Variants in HS3ST2 observed in about 807,000 individuals in gnomAD.
The protein encoded by HS3ST2 is heparan sulfate glucosamine 3-O-sulfotransferase 2.
A neutral mutation model predicts 26.3 loss-of-function variants in HS3ST2; 17 were observed. The observed-to-expected ratio is 0.65, with a 90% confidence interval of 0.44 to 0.97. The LOEUF is 0.97. HS3ST2 is among the 50% of genes least tolerant of loss of function. HS3ST2 has a pLI of 0.00. For synonymous variants in HS3ST2, 237 were observed against 219.2 expected, an observed-to-expected ratio of 1.08 and a Z score of -0.72; for missense variants, 402 against 501.2, an observed-to-expected ratio of 0.80 and a Z score of 1.89.
chr16:22,831,281 G>T (rs1374658946), intron 1 of HS3ST2, among the ~76,000 whole-genome samples: 1 of 152,210 alleles, frequency 6.6e-6, no homozygotes, highest in Non-Finnish European at 1.5e-5. Flanking sequence ...TGCCCACTAA[G>T]ATTCTCCCTG....
chr16:22,887,417 A>G (rs577285080), intron 1 of HS3ST2, among the ~76,000 whole-genome samples: 2 of 152,162 alleles, frequency 1.3e-5, no homozygotes, highest in African/African-American at 4.8e-5. Flanking sequence ...GAGATGAGGG[A>G]GCTCTCTGAG....
chr16:22,867,907 A>T (rs1955898896), intron 1 of HS3ST2, among the ~76,000 whole-genome samples: 1 of 152,228 alleles, frequency 6.6e-6, no homozygotes, highest in Non-Finnish European at 1.5e-5. Context: ...AGTGTCTGAT[A>T]TGGGAGATTG....
chr16:22,856,535 C>T (rs1243418983), intron 1 of HS3ST2, among the ~76,000 whole-genome samples: 5 of 152,220 alleles, frequency 3.3e-5, no homozygotes, highest in Non-Finnish European at 2.9e-5. Flanking sequence ...TTCTGTCTTG[C>T]TCCCATGCTT....
intron 1 of HS3ST2, among the ~76,000 whole-genome samples, chr16:22,833,757 G>T (rs1408435759): frequency 1.3e-5 from 2 of 151,916 alleles, no homozygotes; most frequent in Non-Finnish European, 2.9e-5. Context: ...TATCATCATT[G>T]TCTCCAACAT....
intron 1 of HS3ST2, among the ~76,000 whole-genome samples, chr16:22,889,949 C>T (rs924980674): frequency 1.3e-5 from 2 of 152,084 alleles, no homozygotes; most frequent in African/African-American, 4.8e-5. Context: ...TAAATTATTG[C>T]CTTTTCAGCA....
chr16:22,823,406 T>A (rs1390069003), intron 1 of HS3ST2, among the ~76,000 whole-genome samples: 2 of 152,200 alleles, frequency 1.3e-5, no homozygotes, highest in Non-Finnish European at 2.9e-5. Context: ...TGGTATTTAG[T>A]AAGTCTGTGT....
rs1471685173 is a variant in HS3ST2 at position 22,915,029 on chromosome 16, A to G, written c.571A>G (p.Ile191Val). Residue 191 changes from isoleucine (I) to valine (V), a missense_variant, in exon 2 of 2, where the codon ATC becomes GTC. Transcript: ENST00000261374. ...TGTCACTCAAGAGGCTCCTCGACGC[A>G]TCTTCAACATGTCCCGAGACACCAA... is the stretch of plus-strand genomic sequence containing the variant. The part of the protein sequence containing the change: ...YFVTQEAPRR[I>V]FNMSRDTKLI... 3 of 1,613,932 alleles carry G rather than the reference A, an allele frequency of 1.9e-6. No homozygotes were observed. Among genetic ancestry groups the G allele is most frequent in the African/African-American group, 1.3e-5 (1 of 74,882 alleles).
chr16:22,856,563 C>A (rs1336018227), intron 1 of HS3ST2, among the ~76,000 whole-genome samples: 3 of 152,300 alleles, frequency 2.0e-5, no homozygotes, highest in African/African-American at 7.2e-5. Context: ...AAACACATAA[C>A]CTCCACTAAG....
chr16:22,860,261 C>T (rs147932604), intron 1 of HS3ST2, among the ~76,000 whole-genome samples: 80 of 152,156 alleles, frequency 5.3e-4, no homozygotes, highest in Non-Finnish European at 8.5e-4. Context: ...ACATGGCGTC[C>T]GGCAAGAGAG....
chr16:22,886,904 G>C (rs1039077688), intron 1 of HS3ST2, among the ~76,000 whole-genome samples: 1 of 151,914 alleles, frequency 6.6e-6, no homozygotes, highest in African/African-American at 2.4e-5. Flanking sequence ...GGGACTACAG[G>C]TACACCTAGT....
intron 1 of HS3ST2, among the ~76,000 whole-genome samples, chr16:22,837,805 C>A (rs1901289707): frequency 6.6e-6 from 1 of 151,820 alleles, no homozygotes. Context: ...CATGTGATCT[C>A]TCTCTAAATA....
intron 1 of HS3ST2, among the ~76,000 whole-genome samples, chr16:22,832,382 C>T (rs970618943): frequency 1.3e-5 from 2 of 152,202 alleles, no homozygotes; most frequent in Admixed American, 6.5e-5. Context: ...CTACACCCCT[C>T]AACAGAATGT....
intron 1 of HS3ST2, among the ~76,000 whole-genome samples, chr16:22,898,662 A>G (rs1231647154): frequency 6.6e-6 from 1 of 152,204 alleles, no homozygotes; most frequent in Non-Finnish European, 1.5e-5. Context: ...GGACCATTCT[A>G]TACCAAAGCC....
intron 1 of HS3ST2, 144 bp downstream of exon 1, chr16:22,815,239 G>A: frequency 2.7e-6 from 3 of 1,125,142 alleles, no homozygotes; most frequent in Non-Finnish European, 3.7e-6. Context: ...GGGGGCTATA[G>A]CAGAATTTAC....
At chr16:22,849,931 C>A (rs760690391) in intron 1 of HS3ST2, among the ~76,000 whole-genome samples, 1 of 152,218 alleles carries the variant, frequency 6.6e-6, no homozygotes, top group African/African-American at 2.4e-5. Context: ...GAAGGGATAA[C>A]TGTAGCTAGG....
chr16:22,837,246 G>A (rs992987712), intron 1 of HS3ST2, among the ~76,000 whole-genome samples: 2 of 151,430 alleles, frequency 1.3e-5, no homozygotes, highest in African/African-American at 4.9e-5. Flanking sequence ...TGCTCTACAC[G>A]TCATTCTCCC....
At chr16:22,861,146 G>T (rs1052800065) in intron 1 of HS3ST2, among the ~76,000 whole-genome samples, 25 of 151,952 alleles carry the variant, frequency 1.6e-4, no homozygotes, top group African/African-American at 4.8e-4. Flanking sequence ...CAAAGCACTG[G>T]GATTACAGGC....
intron 1 of HS3ST2, among the ~76,000 whole-genome samples, chr16:22,905,280 A>G (rs768109356): frequency 9.2e-5 from 14 of 152,194 alleles, no homozygotes; most frequent in Non-Finnish European, 1.6e-4. Flanking sequence ...ACTTGCTTGC[A>G]TGTGCAAGGG....
chr16:22,880,648 C>G (rs531608546), intron 1 of HS3ST2, among the ~76,000 whole-genome samples: 2 of 152,184 alleles, frequency 1.3e-5, no homozygotes, highest in African/African-American at 2.4e-5. Flanking sequence ...TGCCCTCCCC[C>G]CATGGAGATG....
Sources: gnomAD v4.1 joint callset for allele counts (sites outside exome capture counted in the v4.1 genomes callset) on GRCh38, gnomAD v4.1.1 for gene constraint, MANE v1.5 for transcripts, NCBI Gene and HGNC (gene_info 2026-07-23, HGNC 2026-07-21) for gene names.